Variants in XPR1 observed in about 807,000 individuals in gnomAD.
The protein encoded by XPR1 is xenotropic and polytropic retrovirus receptor 1, also known as solute carrier family 53 member 1.
Under a neutral mutation model 87.5 loss-of-function variants are expected in XPR1, and 28 were observed. That is an observed-to-expected ratio of 0.32 (90% CI 0.24 to 0.44). XPR1 has a LOEUF of 0.44. Ranked by LOEUF, XPR1 falls within the 20% of genes least tolerant of loss-of-function variation. The probability of loss-of-function intolerance (pLI) is 1.00; values close to 1 mark genes in which losing one functional copy is unlikely to be tolerated. For synonymous variants in XPR1, 300 were observed against 306.1 expected, an observed-to-expected ratio of 0.98 and a Z score of 0.21; for missense variants, 559 against 862.3, an observed-to-expected ratio of 0.65 and a Z score of 4.41.
At chr1:180,738,566 GTA>G (rs1658806333) in intron 2 of XPR1, among the ~76,000 whole-genome samples, 1 of 152,124 alleles carries the variant, frequency 6.6e-6, no homozygotes, top group African/African-American at 2.4e-5. Context: ...AGTGGTTTTA[GTA>G]TATTCAGAGT....
At chr1:180,778,658 G>T (rs540216790) in intron 2 of XPR1, among the ~76,000 whole-genome samples, 1 of 152,094 alleles carries the variant, frequency 6.6e-6, no homozygotes, top group East Asian at 1.9e-4. Context: ...TCCAGATATT[G>T]CCAAATGTCC....
intron 2 of XPR1, among the ~76,000 whole-genome samples, chr1:180,717,887 T>C (rs974964696): frequency 1.3e-5 from 2 of 152,140 alleles, no homozygotes; most frequent in African/African-American, 4.8e-5. Context: ...TTTTTTGTCA[T>C]TGAAAGTAAT....
At position 180,884,128 on chromosome 1, in the gene XPR1, A is replaced by G. The variant is rs997606184; in HGVS notation, c.*62A>G. 9 of 1,511,408 alleles carry G rather than the reference A, an allele frequency of 6.0e-6. No homozygotes were observed. The highest frequency in any genetic ancestry group is 2.8e-5 in the African/African-American group (2 of 72,584). The allele number at this position is 1,511,408 out of a possible 1,614,324, so 93.6% of individuals were successfully genotyped here. A position where few individuals can be genotyped will look rare whatever the true frequency, so the allele number is the denominator to read the frequency against. On this transcript the variant is annotated 3_prime_UTR_variant, in exon 15 of 15. Transcript: ENST00000367590. The stretch of plus-strand genomic sequence containing the variant: ...TACTCTACAATCCTTTCCTCGACCA[A>G]CGCAACCTCTAGTACCTTTCCAGCC...
At chr1:180,751,975 G>A (rs1370497072) in intron 2 of XPR1, among the ~76,000 whole-genome samples, 1 of 152,074 alleles carries the variant, frequency 6.6e-6, no homozygotes, top group Non-Finnish European at 1.5e-5. Flanking sequence ...CATAAGTCTG[G>A]GGATATGAAC....
chr1:180,785,548 A>G lies in XPR1; in HGVS notation c.122-2205A>G, dbSNP rs551376920. ...ATGCTTTAACACATGAAGTTTATGT[A>G]TATTTTAGTTTCTCAGAGGCCTGGA... On this transcript the variant is annotated intron_variant, in intron 2 of 14. Transcript: ENST00000367590. 5.2e-4 allele frequency among the ~76,000 whole-genome samples: 79 copies of G among 152,162 alleles called. 1 individual carries two copies. In the South Asian group the frequency reaches 0.016, roughly 31 times the overall value.
rs1650782964 is a variant in XPR1 at position 180,825,165 on chromosome 1, A to T, written c.955A>T (p.Ile319Phe). The T allele has an allele frequency of 6.2e-7, 1 of 1,600,970 alleles. No individual in the cohort carries two copies. The highest frequency in any genetic ancestry group is 1.3e-5 in the African/African-American group (1 of 74,190). Reference protein sequence around the residue: ...SNLSHQHLFEIAGFLGILWCL... With the variant: ...SNLSHQHLFEFAGFLGILWCL... ...TTCTGTCTTCCCCATCCTTTACTAG[A>T]TTGCTGGATTCCTCGGGATATTGTG... The change falls in exon 9 of 15, where the codon ATT becomes TTT. Residue 319 changes from isoleucine to phenylalanine, a missense_variant and splice_region_variant. By Grantham distance (21) the Ile-to-Phe change is conservative. Coordinates refer to ENST00000367590, the MANE Select transcript of XPR1 (RefSeq NM_004736.4).
chr1:180,677,174 A>G (rs1323690261), intron 1 of XPR1, among the ~76,000 whole-genome samples: 4 of 152,208 alleles, frequency 2.6e-5, no homozygotes, highest in African/African-American at 7.2e-5. Flanking sequence ...TGCAAATGGG[A>G]TGCCCAGGCT....
intron 2 of XPR1, among the ~76,000 whole-genome samples, chr1:180,786,836 C>T (rs1649159911): frequency 6.6e-6 from 1 of 152,196 alleles, no homozygotes; most frequent in Non-Finnish European, 1.5e-5. Context: ...TTTGTCATTT[C>T]TCACCACATT....
In XPR1 at chr1:180,879,768, C is replaced by T. The variant is rs568035281; in HGVS notation, c.1809-308C>T. ...ATTACACCCCATAAGGGCAAAAAGG[C>T]TTTGAGTCATTCTGTGCCTTTACTG... is the stretch of plus-strand genomic sequence containing the variant. On this transcript the variant is annotated intron_variant, in intron 13 of 14. Transcript: ENST00000367590. Among the ~76,000 whole-genome samples the T allele has an allele frequency of 1.2e-4, 18 of 152,308 alleles. No individual in the cohort carries two copies. The East Asian group carries it at 3.5e-3, about 29-fold the overall frequency.
At chr1:180,784,121 A>G (rs1289761355) in intron 2 of XPR1, among the ~76,000 whole-genome samples, 1 of 152,040 alleles carries the variant, frequency 6.6e-6, no homozygotes, top group Non-Finnish European at 1.5e-5. Flanking sequence ...TTCCTTTAGA[A>G]TACATTTCCT....
Position 180,632,187 on chromosome 1 carries a change from G to C in XPR1, c.-15G>C, listed in dbSNP as rs1389897380. 2 of 1,603,050 alleles carry C rather than the reference G, an allele frequency of 1.2e-6. No individual in the cohort carries two copies. The highest frequency in any genetic ancestry group is 8.5e-7 in the Non-Finnish European group (1 of 1,174,838). ...AGCTGCTGGACCCGAGTGGGAGTGAGGGGGAAACGGCAGGATGAAGTTCGC... is the reference window on the plus strand; with the variant it reads ...AGCTGCTGGACCCGAGTGGGAGTGACGGGGAAACGGCAGGATGAAGTTCGC... On this transcript the variant is annotated 5_prime_UTR_variant, in exon 1 of 15. Coordinates refer to ENST00000367590, the MANE Select transcript of XPR1 (RefSeq NM_004736.4).
chr1:180,809,669 C>G (rs1650139454), intron 6 of XPR1, among the ~76,000 whole-genome samples: 1 of 152,114 alleles, frequency 6.6e-6, no homozygotes, highest in East Asian at 1.9e-4. Context: ...GTGGTTATCT[C>G]TGGTGCGGAG....
intron 2 of XPR1, among the ~76,000 whole-genome samples, chr1:180,718,015 A>C (rs1327968645): frequency 6.6e-6 from 1 of 152,264 alleles, no homozygotes; most frequent in Admixed American, 6.5e-5. Flanking sequence ...TACAGTTAAT[A>C]TAATCTAAGG....
chr1:180,713,629 A>G (rs1657882855), intron 2 of XPR1, among the ~76,000 whole-genome samples: 1 of 152,148 alleles, frequency 6.6e-6, no homozygotes, highest in Non-Finnish European at 1.5e-5. Flanking sequence ...ATATTTATTG[A>G]GATGATCATA....
chr1:180,769,332 A>G (rs932978934), intron 2 of XPR1, among the ~76,000 whole-genome samples: 21 of 151,460 alleles, frequency 1.4e-4, no homozygotes, highest in Admixed American at 4.0e-4. Context: ...ATGTTTTGCT[A>G]TCAAATAGTA....
intron 3 of XPR1, among the ~76,000 whole-genome samples, chr1:180,799,112 C>G (rs1649692011): frequency 6.6e-6 from 1 of 152,116 alleles, no homozygotes; most frequent in Non-Finnish European, 1.5e-5. Context: ...ACAAAGAACC[C>G]AAAATGGCCA....
chr1:180,825,139 T>C (rs773441606), intron 8 of XPR1, 26 bp from the exon 9 acceptor site: 30 of 1,568,270 alleles, frequency 1.9e-5, no homozygotes, highest in South Asian at 1.2e-4. Context: ...TTTCTCTATC[T>C]TTCTGTCTTC....
chr1:180,881,965 T>A (rs1188882395), intron 14 of XPR1, among the ~76,000 whole-genome samples: 2 of 151,704 alleles, frequency 1.3e-5, no homozygotes, highest in Non-Finnish European at 2.9e-5. Context: ...GGAAGCAGAG[T>A]TTGAAGAAGC....
At chr1:180,805,510 C>T (rs1185147188) in intron 4 of XPR1, among the ~76,000 whole-genome samples, 3 of 152,122 alleles carry the variant, frequency 2.0e-5, no homozygotes, top group Non-Finnish European at 4.4e-5. Flanking sequence ...CACTCCCATA[C>T]CCAAACTGAG....
Sources: gnomAD v4.1 joint callset for allele counts (sites outside exome capture counted in the v4.1 genomes callset) on GRCh38, gnomAD v4.1.1 for gene constraint, MANE v1.5 for transcripts, NCBI Gene and HGNC (gene_info 2026-07-23, HGNC 2026-07-21) for gene names.